The following DIP2C variants were observed in gnomAD, a reference collection of about 807,000 sequenced individuals.
The protein encoded by DIP2C is DIP2 acetate--CoA ligase C (putative).
Under a neutral mutation model 192.4 loss-of-function variants are expected in DIP2C, and 33 were observed. That is an observed-to-expected ratio of 0.17 (90% confidence interval 0.13 to 0.23). The LOEUF (loss-of-function observed/expected upper bound fraction) is 0.23. Ranked by LOEUF, DIP2C falls within the 10% of genes least tolerant of loss-of-function variation. DIP2C has a pLI of 1.00. For synonymous variants in DIP2C, 979 were observed against 864.1 expected (o/e 1.13, Z -2.33); for missense variants, 1,537 against 2,110.1 (o/e 0.73, Z 5.32).
chr10:670,374 A>G (rs779769710), intron 1 of DIP2C, among the ~76,000 whole-genome samples: 6 of 152,158 alleles, frequency 3.9e-5, no homozygotes, highest in Non-Finnish European at 7.4e-5. Context: ...ACACATGCAC[A>G]CACATGCATG....
chr10:645,526 C>A (rs1235415262), intron 1 of DIP2C, among the ~76,000 whole-genome samples: 1 of 152,130 alleles, frequency 6.6e-6, no homozygotes, highest in Non-Finnish European at 1.5e-5. Context: ...TATATTAAGT[C>A]CATAAAGAGA....
At chr10:458,470 T>C (rs1287259052) in intron 3 of DIP2C, among the ~76,000 whole-genome samples, 1 of 152,216 alleles carries the variant, frequency 6.6e-6, no homozygotes, top group Non-Finnish European at 1.5e-5. Context: ...TCTACATTCC[T>C]GCCTCACCGG....
chr10:617,652 A>G (rs1026639485), intron 1 of DIP2C, among the ~76,000 whole-genome samples: 22 of 127,728 alleles, frequency 1.7e-4, no homozygotes, highest in Admixed American at 4.5e-4. Context: ...TCCTGTGGAT[A>G]CCACCCCCCC....
chr10:415,385 G>A (rs1041407728), intron 7 of DIP2C, among the ~76,000 whole-genome samples: 2 of 152,198 alleles, frequency 1.3e-5, no homozygotes, highest in African/African-American at 4.8e-5. Context: ...GCACCTATAA[G>A]GAGAGGCAGC....
At chr10:376,160 T>A (rs1961554583) in intron 17 of DIP2C, among the ~76,000 whole-genome samples, 4 of 152,200 alleles carry the variant, frequency 2.6e-5, no homozygotes, top group African/African-American at 9.7e-5. Flanking sequence ...GTGATTCTCA[T>A]CTACAGACGA....
intron 23 of DIP2C, 128 bp downstream of exon 23, chr10:357,696 ACAGT>A (rs1485261835): frequency 3.1e-6 from 2 of 644,306 alleles, no homozygotes; most frequent in East Asian, 2.7e-5. Flanking sequence ...ACGGTTGCGG[ACAGT>A]CAGACACTGT....
At chr10:401,491 T>C (rs557875266) in intron 9 of DIP2C, among the ~76,000 whole-genome samples, 1 of 149,540 alleles carries the variant, frequency 6.7e-6, no homozygotes, top group Non-Finnish European at 1.5e-5. Context: ...CATCAGCACA[T>C]GAATCCTGTG....
At chr10:549,641 G>A (rs1199286655) in intron 1 of DIP2C, among the ~76,000 whole-genome samples, 1 of 151,956 alleles carries the variant, frequency 6.6e-6, no homozygotes, top group Non-Finnish European at 1.5e-5. Context: ...ACCAGGTGCC[G>A]GGGGCTTCAG....
intron 33 of DIP2C, 144 bp from the exon 34 acceptor site, chr10:286,491 T>C: frequency 1.5e-6 from 1 of 679,418 alleles, no homozygotes; most frequent in East Asian, 2.6e-5. Context: ...GCCACATAGT[T>C]ATGACCCATT....
At chr10:535,084 G>T (rs1847625304) in intron 1 of DIP2C, among the ~76,000 whole-genome samples, 1 of 152,192 alleles carries the variant, frequency 6.6e-6, no homozygotes, top group Non-Finnish European at 1.5e-5. Context: ...TCTCCCTGCA[G>T]GATGGTACAG....
At chr10:332,618 A>G (rs948911259) in intron 29 of DIP2C, among the ~76,000 whole-genome samples, 1 of 152,214 alleles carries the variant, frequency 6.6e-6, no homozygotes, top group African/African-American at 2.4e-5. Context: ...TCAAGACATT[A>G]TTCTCTGAGA....
chr10:519,499 C>A (rs545617825), intron 1 of DIP2C, among the ~76,000 whole-genome samples: 1 of 152,224 alleles, frequency 6.6e-6, no homozygotes, highest in Non-Finnish European at 1.5e-5. Flanking sequence ...TCCCCTCCCC[C>A]ACACATACAT....
At position 568,745 on chromosome 10, in the gene DIP2C, G is replaced by A. The variant is rs190272919; in HGVS notation, c.86-82215C>T. ...CGCGCCACTGCGCTCCAGCCTGGGC[G>A]ACAGAGGGAAACTCCGTCTCAAAAA... is the stretch of plus-strand genomic sequence containing the variant. On this transcript the variant is annotated intron_variant, in intron 1 of 36. Transcript: ENST00000280886. Among the ~76,000 whole-genome samples, 462 of 117,612 alleles carry A rather than the reference G, an allele frequency of 3.9e-3. 3 individuals are homozygous for A. The highest frequency in any genetic ancestry group is 4.3e-3 in the Non-Finnish European group (264 of 60,962). 77.2% of individuals were successfully genotyped at this position (117,612 alleles called of 152,430 possible). A position where few individuals can be genotyped will look rare whatever the true frequency, so the allele number is the denominator to read the frequency against.
intron 1 of DIP2C, among the ~76,000 whole-genome samples, chr10:603,297 TCAAAAAA>T (rs1852217111): frequency 3.0e-5 from 1 of 32,986 alleles, no homozygotes; most frequent in Non-Finnish European, 4.6e-5. Context: ...AGACTCCATC[TCAAAAAA>T]AAAAAAAAAA....
intron 1 of DIP2C, among the ~76,000 whole-genome samples, chr10:501,816 G>A (rs1350411507): frequency 6.6e-6 from 1 of 152,070 alleles, no homozygotes. Flanking sequence ...GGCAATATCA[G>A]AACACAAAAC....
At position 655,322 on chromosome 10, in the gene DIP2C, G is replaced by A. The variant is rs144846143; in HGVS notation, c.85+34172C>T. ...CATGTGTCTGTTTCTTCCTGGTTGT[G>A]AGACAAGAACCCGGACCCAGCTGAG... On this transcript the variant is annotated intron_variant, in intron 1 of 36. Transcript: ENST00000280886. Among the ~76,000 whole-genome samples the A allele has an allele frequency of 1.8e-3, 270 of 152,320 alleles. 2 individuals are homozygous for A. The highest frequency in any genetic ancestry group is 6.2e-3 in the African/African-American group (256 of 41,562).
At position 524,967 on chromosome 10, in the gene DIP2C, C is replaced by CAAAAAAAAAA. The variant is rs10652748; in HGVS notation, c.86-38447_86-38438dup. Among the ~76,000 whole-genome samples, 133 of 111,142 alleles carry CAAAAAAAAAA rather than the reference C, an allele frequency of 1.2e-3. 2 individuals are homozygous for CAAAAAAAAAA. The highest frequency in any genetic ancestry group is 4.7e-3 in the African/African-American group (102 of 21,588). 72.9% of individuals were successfully genotyped at this position (111,142 alleles called of 152,430 possible). ...ACACAGTTTAAGACAATCACAATTT[C>CAAAAAAAAAA]AAAAAAAAAAAAAAAAGAATCACAT... On this transcript the variant is annotated intron_variant, in intron 1 of 36. Transcript: ENST00000280886.
intron 31 of DIP2C, among the ~76,000 whole-genome samples, chr10:323,352 CA>C (rs2132412447): frequency 2.9e-5 from 3 of 103,764 alleles, no homozygotes; most frequent in South Asian, 3.8e-4. Context: ...TGCGGGGCTC[CA>C]GCGAGAGACC....
At chr10:580,405 C>T (rs1850550391) in intron 1 of DIP2C, among the ~76,000 whole-genome samples, 1 of 152,086 alleles carries the variant, frequency 6.6e-6, no homozygotes, top group Non-Finnish European at 1.5e-5. Context: ...TGCAAATACC[C>T]ATATGGTGTA....
Sources: gnomAD v4.1 joint callset for allele counts (sites outside exome capture counted in the v4.1 genomes callset) on GRCh38, gnomAD v4.1.1 for gene constraint, MANE v1.5 for transcripts, NCBI Gene and HGNC (gene_info 2026-07-23, HGNC 2026-07-21) for gene names.